Variants in ANKAR observed in about 807,000 individuals in gnomAD.
ANKAR encodes ankyrin and armadillo repeat containing, also known as ankyrin and armadillo repeat-containing protein.
A neutral mutation model predicts 146.2 loss-of-function variants in ANKAR; 136 were observed. That is an observed-to-expected ratio of 0.93 (90% CI 0.81 to 1.07). The LOEUF is 1.07. ANKAR is among the 50% of genes least tolerant of loss of function. The probability of loss-of-function intolerance (pLI) is 0.00; values close to 1 mark genes in which losing one functional copy is unlikely to be tolerated. For synonymous variants in ANKAR, 500 were observed against 575.8 expected, an observed-to-expected ratio of 0.87 and a Z score of 1.88; for missense variants, 1,567 against 1,679.9, an observed-to-expected ratio of 0.93 and a Z score of 1.18.
chr2:189,728,245 A>C, intron 13 of ANKAR, 22 bp from the exon 14 acceptor site: 1 of 1,574,624 alleles, frequency 6.4e-7, no homozygotes, highest in Non-Finnish European at 8.6e-7. Flanking sequence ...TCACTGAATT[A>C]ATGAAATATT....
chr2:189,742,893 C>CACACA (rs58932882), intron 20 of ANKAR, among the ~76,000 whole-genome samples: 2 of 73,594 alleles, frequency 2.7e-5, no homozygotes, highest in Admixed American at 1.3e-4. Context: ...CACACACACA[C>CACACA]TAGAATTACC....
At chr2:189,744,704 CTTCA>C (rs776414755) in intron 21 of ANKAR, 34 bp from the exon 22 acceptor site, 19 of 1,491,258 alleles carry the variant, frequency 1.3e-5, no homozygotes, top group Admixed American at 1.8e-5. Context: ...TGCATTATGT[CTTCA>C]TTTATTTTAA....
intron 15 of ANKAR, among the ~76,000 whole-genome samples, chr2:189,729,124 G>T (rs1351679880): frequency 6.6e-6 from 1 of 152,168 alleles, no homozygotes; most frequent in African/African-American, 2.4e-5. Flanking sequence ...GAGAAAAATA[G>T]TTCTTTTGAA....
chr2:189,726,973 A>G (rs115825465), intron 12 of ANKAR, among the ~76,000 whole-genome samples: 4 of 152,206 alleles, frequency 2.6e-5, no homozygotes, highest in South Asian at 4.1e-4. Context: ...CAACTTTTCT[A>G]TAAGTTAAAA....
intron 7 of ANKAR, among the ~76,000 whole-genome samples, chr2:189,697,067 G>A (rs7571089): frequency 0.59 from 89,111 of 151,782 alleles, 30,168 homozygotes; most frequent in South Asian, 0.76. Context: ...TGAAATTGGT[G>A]GCCCTCCATA....
chr2:189,761,365 G>A, downstream of ANKAR: 2 of 1,540,822 alleles, frequency 1.3e-6, no homozygotes, highest in East Asian at 4.5e-5. Context: ...AAATACAAAA[G>A]AATGATTTTA....
At chr2:189,699,292 G>A (rs968699791) in intron 7 of ANKAR, among the ~76,000 whole-genome samples, 1 of 152,148 alleles carries the variant, frequency 6.6e-6, no homozygotes, top group Non-Finnish European at 1.5e-5. Context: ...TTGCCACAAG[G>A]ACCCCTCATG....
At position 189,674,779 on chromosome 2, in the gene ANKAR, AACGCCGCGG is replaced by A. The variant is rs2033234543; in HGVS notation, c.-82_-74del. The A allele has an allele frequency of 6.6e-6, 1 of 152,290 alleles. No homozygotes were observed. The highest frequency in any genetic ancestry group is 2.4e-5 in the African/African-American group (1 of 41,456). 9.4% of individuals were successfully genotyped at this position (152,290 alleles called of 1,614,324 possible). A position where few individuals can be genotyped will look rare whatever the true frequency, so the allele number is the denominator to read the frequency against. On this transcript the variant is annotated 5_prime_UTR_variant, in exon 1 of 23. Transcript: ENST00000684021. Reference sequence around the variant, plus strand: ...CGACGACTGTTCTCAGCCCCACGGGAACGCCGCGGACGCAGCGTCCCTCTCCCGGACAAG... The same window carrying A: ...CGACGACTGTTCTCAGCCCCACGGGAACGCAGCGTCCCTCTCCCGGACAAG...
chr2:189,738,248 G>A (rs1053159892), intron 18 of ANKAR, among the ~76,000 whole-genome samples: 6 of 152,144 alleles, frequency 3.9e-5, no homozygotes, highest in African/African-American at 2.4e-5. Flanking sequence ...TATCTGGGAA[G>A]TCTTATTCTC....
In ANKAR at chr2:189,746,497, C is replaced by A. The variant is rs556809724; in HGVS notation, c.4175C>A (p.Ser1392Tyr). The change falls in exon 23 of 23, where the codon TCC becomes TAC. Residue 1392 changes from serine to tyrosine, a missense_variant. Coordinates refer to ENST00000684021, the MANE Select transcript of ANKAR (RefSeq NM_001378068.1). The stretch of plus-strand genomic sequence containing the variant: ...AAAGCAACAAAAAAGACCAAGGATT[C>A]CCATAATATTTTTTCTTTTTCATCT... ...LFKATKKTKDSHNIFSFSSTI... is the reference protein window; with the variant it reads ...LFKATKKTKDYHNIFSFSSTI... 1 of 1,613,818 alleles carries A rather than the reference C, an allele frequency of 6.2e-7. No individual in the cohort carries two copies. Among genetic ancestry groups the A allele is most frequent in the Non-Finnish European group, 8.5e-7 (1 of 1,179,874 alleles).
intron 10 of ANKAR, among the ~76,000 whole-genome samples, chr2:189,715,094 C>T (rs2040253196): frequency 6.6e-6 from 1 of 151,728 alleles, no homozygotes; most frequent in South Asian, 2.1e-4. Flanking sequence ...AAGATCAGAG[C>T]AGAACTGAAG....
chr2:189,757,446 A>G (rs1165524991), intron 18 of ANKAR, among the ~76,000 whole-genome samples: 2 of 152,250 alleles, frequency 1.3e-5, no homozygotes, highest in East Asian at 3.8e-4. Context: ...TAGTAGAACT[A>G]CTATTGTTAC....
chr2:189,690,652 T>C (rs1460786284), intron 3 of ANKAR, among the ~76,000 whole-genome samples: 1 of 152,206 alleles, frequency 6.6e-6, no homozygotes, highest in African/African-American at 2.4e-5. Context: ...AGCAGAAATT[T>C]TGCAAATCCT....
downstream of ANKAR, chr2:189,762,642 C>T (rs1168911115): frequency 1.0e-6 from 1 of 985,270 alleles, no homozygotes; most frequent in African/African-American, 1.7e-5. Flanking sequence ...TTTCCAGGTG[C>T]GCAAAAGCGT....
At chr2:189,746,658 G>A, downstream of ANKAR, 1 of 1,545,154 alleles carries the variant, frequency 6.5e-7, no homozygotes, top group Non-Finnish European at 8.7e-7. Context: ...GGATTCCTGA[G>A]CCATCTTTTA....
chr2:189,762,992 GGTTT>G (rs1373973146), downstream of ANKAR: 2 of 985,108 alleles, frequency 2.0e-6, no homozygotes, highest in Non-Finnish European at 2.4e-6. Context: ...GCCGAATACA[GGTTT>G]GTCTGACTAC....
chr2:189,704,558 TATATATATA>T (rs2038594819), intron 7 of ANKAR, among the ~76,000 whole-genome samples: 2 of 64,694 alleles, frequency 3.1e-5, no homozygotes, highest in Non-Finnish European at 5.8e-5. Flanking sequence ...TATATATATA[TATATATATA>T]TATATATATA....
chr2:189,759,964 A>T (rs1226016601), intron 18 of ANKAR, among the ~76,000 whole-genome samples: 1 of 152,034 alleles, frequency 6.6e-6, no homozygotes, highest in East Asian at 1.9e-4. Context: ...ATGACTCTTA[A>T]CGAGTATGCT....
chr2:189,730,400 A>T, intron 15 of ANKAR, 95 bp from the exon 16 acceptor site: 1 of 611,038 alleles, frequency 1.6e-6, no homozygotes, highest in Non-Finnish European at 2.8e-6. Flanking sequence ...GTATTACCTT[A>T]GAATGCTTTG....
Sources: gnomAD v4.1 joint callset for allele counts (sites outside exome capture counted in the v4.1 genomes callset) on GRCh38, gnomAD v4.1.1 for gene constraint, MANE v1.5 for transcripts, NCBI Gene and HGNC (gene_info 2026-07-23, HGNC 2026-07-21) for gene names.